MDFIC2: variants seen among roughly 807,000 people sequenced by gnomAD.
MDFIC2 encodes MyoD family inhibitor domain containing 2, also known as myoD family inhibitor domain-containing protein 2.
chr3:70,225,686 T>A (rs1701497743), intron 2 of MDFIC2, among the ~76,000 whole-genome samples: 1 of 152,212 alleles, frequency 6.6e-6, no homozygotes, highest in Non-Finnish European at 1.5e-5. Flanking sequence ...AGCAGTTTAG[T>A]GTTTCTTGAA....
intron 2 of MDFIC2, among the ~76,000 whole-genome samples, chr3:70,213,134 CTCTT>C (rs1249130871): frequency 6.6e-6 from 1 of 151,938 alleles, no homozygotes; most frequent in Non-Finnish European, 1.5e-5. Flanking sequence ...TCCTCTGTCT[CTCTT>C]TATTTTGTTT....
At chr3:70,229,074 T>C (rs995259654) in intron 2 of MDFIC2, among the ~76,000 whole-genome samples, 2 of 152,208 alleles carry the variant, frequency 1.3e-5, no homozygotes, top group African/African-American at 4.8e-5. Flanking sequence ...CCAGAGAAGA[T>C]GAACCAATAA....
rs188351291 is a variant in MDFIC2 at position 70,306,275 on chromosome 3, G to C, written c.88+5611C>G. Among the ~76,000 whole-genome samples the C allele has an allele frequency of 5.3e-3, 802 of 152,082 alleles. 7 individuals carry two copies. Among genetic ancestry groups the C allele is most frequent in the Middle Eastern group, 0.017 (5 of 294 alleles). On this transcript the variant is annotated intron_variant, in intron 2 of 3. Transcript: ENST00000567252. ...CTCGCCACCACACGTGGCTAGCCCG[G>C]CTAATTTCTATATTTTTAGTAAAGA...
At chr3:70,287,601 T>C (rs1421508888) in intron 2 of MDFIC2, among the ~76,000 whole-genome samples, 2 of 152,134 alleles carry the variant, frequency 1.3e-5, no homozygotes, top group Non-Finnish European at 2.9e-5. Flanking sequence ...TTCCCTCTTT[T>C]TCTATTGATT....
chr3:70,283,742 G>C (rs934117310), intron 2 of MDFIC2: 1 of 147,682 alleles, frequency 6.8e-6, no homozygotes, highest in Non-Finnish European at 1.5e-5. Context: ...CAGAGTAACA[G>C]AGAATAAAGA....
chr3:70,283,730 T>C (rs1702112066), intron 2 of MDFIC2: 1 of 149,136 alleles, frequency 6.7e-6, no homozygotes, highest in South Asian at 2.1e-4. Context: ...CTTGATTTCA[T>C]ACAGAGTAAC....
chr3:70,256,407 C>A (rs775990659), intron 2 of MDFIC2, among the ~76,000 whole-genome samples: 6 of 152,174 alleles, frequency 3.9e-5, no homozygotes, highest in South Asian at 2.1e-4. Context: ...GCCATGCTGA[C>A]TGTAAACTGC....
intron 2 of MDFIC2, among the ~76,000 whole-genome samples, chr3:70,310,631 G>C (rs979028913): frequency 1.8e-4 from 27 of 152,040 alleles, no homozygotes; most frequent in Non-Finnish European, 3.4e-4. Flanking sequence ...CTCCCAAAGT[G>C]CTGGGATTAT....
intron 3 of MDFIC2, among the ~76,000 whole-genome samples, chr3:70,206,356 C>T (rs1434249808): frequency 1.3e-5 from 2 of 152,024 alleles, no homozygotes; most frequent in Non-Finnish European, 2.9e-5. Context: ...CATGTTGCCT[C>T]TGATTCCCAG....
At chr3:70,203,474 A>C (rs559253751) in intron 3 of MDFIC2, among the ~76,000 whole-genome samples, 31 of 152,290 alleles carry the variant, frequency 2.0e-4, no homozygotes, top group African/African-American at 7.2e-4. Flanking sequence ...GATCTATTTA[A>C]GTTCAGACAA....
chr3:70,261,280 T>A (rs1364535849), intron 2 of MDFIC2, among the ~76,000 whole-genome samples: 2 of 152,154 alleles, frequency 1.3e-5, no homozygotes, highest in African/African-American at 4.8e-5. Flanking sequence ...TTTAAGAGAG[T>A]TAGTGCAGTG....
At chr3:70,298,577 A>G (rs774082600) in intron 2 of MDFIC2, among the ~76,000 whole-genome samples, 1 of 152,052 alleles carries the variant, frequency 6.6e-6, no homozygotes, top group Non-Finnish European at 1.5e-5. Context: ...TCTTCATCTA[A>G]TTTCATAACT....
intron 2 of MDFIC2, among the ~76,000 whole-genome samples, chr3:70,211,171 C>A (rs1040573015): frequency 1.3e-5 from 2 of 151,818 alleles, no homozygotes; most frequent in African/African-American, 4.8e-5. Context: ...TCCCATTTTC[C>A]TTTCCCTTCT....
intron 2 of MDFIC2, among the ~76,000 whole-genome samples, chr3:70,251,460 T>C (rs755014596): frequency 6.6e-6 from 1 of 152,188 alleles, no homozygotes; most frequent in African/African-American, 2.4e-5. Flanking sequence ...AGTGGGTATA[T>C]ATTAGATCAA....
chr3:70,293,136 C>A (rs1559556291), intron 2 of MDFIC2, among the ~76,000 whole-genome samples: 1 of 151,024 alleles, frequency 6.6e-6, no homozygotes, highest in Non-Finnish European at 1.5e-5. Flanking sequence ...CTCCCTCCAG[C>A]TTTTTACATT....
chr3:70,308,812 G>A (rs920661741), intron 2 of MDFIC2, among the ~76,000 whole-genome samples: 1 of 152,092 alleles, frequency 6.6e-6, no homozygotes, highest in Non-Finnish European at 1.5e-5. Context: ...TGGTGATGAT[G>A]GTAGTAACTC....
chr3:70,249,023 T>TAA (rs759876959), intron 2 of MDFIC2: 1 of 152,256 alleles, frequency 6.6e-6, no homozygotes, highest in East Asian at 1.9e-4. Context: ...GATATTATCG[T>TAA]AAGTTCACAG....
chr3:70,210,602 T>G (rs1701333476), intron 2 of MDFIC2, among the ~76,000 whole-genome samples: 1 of 152,118 alleles, frequency 6.6e-6, no homozygotes, highest in Non-Finnish European at 1.5e-5. Context: ...AGTAGAAACA[T>G]AAAAAGTAGT....
chr3:70,284,019 T>G (rs1158606871), intron 2 of MDFIC2, among the ~76,000 whole-genome samples: 1 of 152,090 alleles, frequency 6.6e-6, no homozygotes, highest in Non-Finnish European at 1.5e-5. Flanking sequence ...TGCCTTTGGG[T>G]GGCAGAGGTA....
Sources: gnomAD v4.1 joint callset for allele counts (sites outside exome capture counted in the v4.1 genomes callset) on GRCh38, gnomAD v4.1.1 for gene constraint, MANE v1.5 for transcripts, NCBI Gene and HGNC (gene_info 2026-07-23, HGNC 2026-07-21) for gene names.